The following NECTIN1 variants were observed in gnomAD, a reference collection of about 807,000 sequenced individuals.
NECTIN1 encodes the protein nectin-1.
In NECTIN1, 23 loss-of-function variants were observed where a neutral mutation model predicts 48.0. That is an observed-to-expected ratio of 0.48 (90% CI 0.34 to 0.68). The LOEUF (loss-of-function observed/expected upper bound fraction) is 0.68, where lower values mean the gene tolerates loss of function less well. NECTIN1 is among the 30% of genes least tolerant of loss of function. The pLI, the probability that NECTIN1 is intolerant of heterozygous loss-of-function variation, is 0.01. For missense variants in NECTIN1, 591 were observed against 709.9 expected (o/e 0.83, Z 1.90); for synonymous variants, 270 against 288.9 (o/e 0.93, Z 0.66).
chr11:119,652,657 A>C (rs1025660803), intron 5 of NECTIN1, among the ~76,000 whole-genome samples: 9 of 152,234 alleles, frequency 5.9e-5, no homozygotes, highest in Non-Finnish European at 1.2e-4. Context: ...TGCCAGAAAG[A>C]CTAAAAGATA....
intron 1 of NECTIN1, among the ~76,000 whole-genome samples, chr11:119,721,548 T>C (rs1865830941): frequency 6.6e-6 from 1 of 152,214 alleles, no homozygotes. Context: ...AGGGTTTTAT[T>C]GTCTGTGGTT....
In NECTIN1 at chr11:119,684,665, G is replaced by C. The variant is rs1407893608; in HGVS notation, c.80-5900C>G. On this transcript the variant is annotated intron_variant, in intron 1 of 5. Transcript: ENST00000264025. The surrounding 1 kb of genome is among the most constrained non-coding windows in gnomAD (Gnocchi z 5.2). ...TTATAGGCCCCCTCCTCCCAGTGCAGCCGCTTCCCTGATTGTCAACTCCCA... is the reference window on the plus strand; with the variant it reads ...TTATAGGCCCCCTCCTCCCAGTGCACCCGCTTCCCTGATTGTCAACTCCCA... Among the ~76,000 whole-genome samples the C allele has an allele frequency of 2.0e-5, 3 of 152,136 alleles. No homozygotes were observed. The highest frequency in any genetic ancestry group is 7.2e-5 in the African/African-American group (3 of 41,416).
At chr11:119,641,880 G>T (rs550696419) in intron 5 of NECTIN1, 2 of 149,278 alleles carry the variant, frequency 1.3e-5, no homozygotes, top group Non-Finnish European at 2.9e-5. Flanking sequence ...CCGCCACCAG[G>T]CCCGGCTAAT....
At chr11:119,726,703 G>A (rs767979464) in intron 1 of NECTIN1, among the ~76,000 whole-genome samples, 13 of 152,150 alleles carry the variant, frequency 8.5e-5, no homozygotes, top group Non-Finnish European at 1.5e-4. Context: ...GGAGAATAGG[G>A]TGAGTTCCTT....
intron 1 of NECTIN1, among the ~76,000 whole-genome samples, chr11:119,679,613 C>T (rs991719734): frequency 1.3e-5 from 2 of 152,192 alleles, no homozygotes; most frequent in Non-Finnish European, 2.9e-5. Flanking sequence ...AGACTGGGCC[C>T]ATCCTCAGAA....
chr11:119,656,805 G>C (rs549882227), downstream of NECTIN1, among the ~76,000 whole-genome samples: 1 of 152,294 alleles, frequency 6.6e-6, no homozygotes, highest in South Asian at 2.1e-4. Flanking sequence ...TGCCTAACGG[G>C]GATATAGGGG....
intron 1 of NECTIN1, among the ~76,000 whole-genome samples, chr11:119,706,415 C>G (rs1865549568): frequency 1.3e-5 from 2 of 152,150 alleles, no homozygotes; most frequent in South Asian, 4.1e-4. Context: ...CCAACTCACC[C>G]CCCAGCGCCA....
rs1383557235 is a variant in NECTIN1, at chr11:119,683,989, G to A, written c.80-5224C>T. Among the ~76,000 whole-genome samples the A allele has an allele frequency of 6.6e-6, 1 of 152,136 alleles. No homozygotes were observed. The highest frequency in any genetic ancestry group is 1.5e-5 in the Non-Finnish European group (1 of 68,014). ...CCTGAGCTCAGCAACAAAACACAAA[G>A]ACTCCTCAGTTGTGGCGGACAAACC... On this transcript the variant is annotated intron_variant, in intron 1 of 5. Coordinates refer to ENST00000264025, the MANE Select transcript of NECTIN1 (RefSeq NM_002855.5). This position sits in a 1 kb window ranked among gnomAD's most constrained non-coding sequence, Gnocchi z 4.0.
chr11:119,649,867 A>T (rs1864463684), intron 5 of NECTIN1, among the ~76,000 whole-genome samples: 1 of 152,148 alleles, frequency 6.6e-6, no homozygotes, highest in South Asian at 2.1e-4. Context: ...ACTCAGGAGG[A>T]AATGAAGTTC....
intron 5 of NECTIN1, among the ~76,000 whole-genome samples, chr11:119,644,620 A>G (rs1182589199): frequency 2.0e-5 from 3 of 152,204 alleles, no homozygotes; most frequent in African/African-American, 4.8e-5. Context: ...ACGTATGCAA[A>G]TAAGTATGCT....
At chr11:119,712,494 C>T (rs1351370118) in intron 1 of NECTIN1, among the ~76,000 whole-genome samples, 1 of 152,258 alleles carries the variant, frequency 6.6e-6, no homozygotes, top group East Asian at 1.9e-4. Context: ...TACTCTCAGC[C>T]CCAGCACGTG....
At position 119,662,891 on chromosome 11, in the gene NECTIN1, T is replaced by C; in HGVS notation, c.*1856A>G. On this transcript the variant is annotated 3_prime_UTR_variant, in exon 6 of 6. Transcript: ENST00000264025. The surrounding 1 kb of genome is among the most constrained non-coding windows in gnomAD (Gnocchi z 5.3). ...GGCTGGCATGGCTTCAGACTTCTGC[T>C]ACGTGGCTACTGGGCAGCCTGGGCT... 1 of 986,148 alleles carries C rather than the reference T, an allele frequency of 1.0e-6. No individual in the cohort carries two copies. Among genetic ancestry groups the C allele is most frequent in the South Asian group, 4.7e-5 (1 of 21,288 alleles). The allele number at this position is 986,148 out of a possible 1,614,324, so 61.1% of individuals were successfully genotyped here.
chr11:119,728,400 C>T, intron 1 of NECTIN1, 75 bp downstream of exon 1: 1 of 1,413,616 alleles, frequency 7.1e-7, no homozygotes, highest in Non-Finnish European at 9.7e-7. Context: ...ACAATCCAGT[C>T]GTGCCCGCCA....
Position 119,665,408 on chromosome 11 carries a change from AC to A in NECTIN1, c.1004-112del. The A allele has an allele frequency of 6.9e-7, 1 of 1,454,480 alleles. No homozygotes were observed. The highest frequency in any genetic ancestry group is 9.0e-7 in the Non-Finnish European group (1 of 1,107,276). 90.1% of individuals were successfully genotyped at this position (1,454,480 alleles called of 1,614,324 possible). A position where few individuals can be genotyped will look rare whatever the true frequency, so the allele number is the denominator to read the frequency against. On this transcript the variant is annotated intron_variant, in intron 5 of 5. Coordinates refer to ENST00000264025, the MANE Select transcript of NECTIN1 (RefSeq NM_002855.5). This position sits in a 1 kb window ranked among gnomAD's most constrained non-coding sequence, Gnocchi z 5.1. ...AGGCCAGGAAGGACAGGCTGTCTGC[AC>A]CCCAGGTTTGAGCAGCTCCAGTTCG...
rs891490814 is a variant in NECTIN1, at chr11:119,677,461, C to A, written c.733+94G>T. The A allele has an allele frequency of 1.4e-6, 2 of 1,426,342 alleles. No homozygotes were observed. Among genetic ancestry groups the A allele is most frequent in the Non-Finnish European group, 9.9e-7 (1 of 1,015,184 alleles). The allele number at this position is 1,426,342 out of a possible 1,614,324, so 88.4% of individuals were successfully genotyped here. A position where few individuals can be genotyped will look rare whatever the true frequency, so the allele number is the denominator to read the frequency against. ...GAGACAGGAGGGGAGAAGAAAGCAC[C>A]CCCAGAAAGAGAAAGGGAGGAGAAA... On this transcript the variant is annotated intron_variant, in intron 3 of 5. Transcript: ENST00000264025. This position sits in a 1 kb window ranked among gnomAD's most constrained non-coding sequence, Gnocchi z 5.4.
chr11:119,701,624 TC>T (rs1865454153), intron 1 of NECTIN1, among the ~76,000 whole-genome samples: 1 of 152,080 alleles, frequency 6.6e-6, no homozygotes, highest in South Asian at 2.1e-4. Flanking sequence ...TCTCCCAGAC[TC>T]TTCCCTTCCT....
chr11:119,702,255 A>AC (rs1313890792), intron 1 of NECTIN1, among the ~76,000 whole-genome samples: 1 of 152,154 alleles, frequency 6.6e-6, no homozygotes, highest in Non-Finnish European at 1.5e-5. Context: ...AACCTTTCCC[A>AC]CCAGGGCCTC....
chr11:119,680,054 AT>A lies in NECTIN1; in HGVS notation c.80-1290del, dbSNP rs543692633. ...CAGTGCAGCATCTGGCACATAGCAG[AT>A]GCTAGTAAATATTTGTTACTACACA... On this transcript the variant is annotated intron_variant, in intron 1 of 5. Coordinates refer to ENST00000264025, the MANE Select transcript of NECTIN1 (RefSeq NM_002855.5). Among the ~76,000 whole-genome samples, 251 of 152,358 alleles carry A rather than the reference AT, an allele frequency of 1.6e-3. 1 individual carries two copies. The highest frequency in any genetic ancestry group is 3.9e-3 in the Admixed American group (60 of 15,312).
intron 1 of NECTIN1, among the ~76,000 whole-genome samples, chr11:119,688,665 G>C (rs1864966090): frequency 6.6e-6 from 1 of 152,166 alleles, no homozygotes; most frequent in Admixed American, 6.5e-5. Context: ...GGACATGCAG[G>C]GCTGGCTGTG....
Sources: allele counts gnomAD v4.1 joint callset (sites outside exome capture counted in the v4.1 genomes callset), GRCh38; gene constraint gnomAD v4.1.1; non-coding constraint Gnocchi (gnomAD v3.1); transcripts MANE v1.5; gene names NCBI Gene and HGNC (gene_info 2026-07-23, HGNC 2026-07-21).